Variants in KCNQ3 observed in about 807,000 individuals in gnomAD.
KCNQ3 encodes potassium voltage-gated channel subfamily Q member 3.
KCNQ3 carries 30 observed loss-of-function variants against 92.5 expected under a neutral mutation model. The observed-to-expected ratio is 0.32, with a 90% CI of 0.24 to 0.44. The LOEUF (loss-of-function observed/expected upper bound fraction) is 0.44, where lower values mean the gene tolerates loss of function less well. KCNQ3 is among the 20% of genes least tolerant of loss of function. The pLI, the probability that KCNQ3 is intolerant of heterozygous loss-of-function variation, is 1.00. For missense variants in KCNQ3, 913 were observed against 1,140.3 expected (o/e 0.80, Z 2.87); for synonymous variants, 450 against 468.8 (o/e 0.96, Z 0.52).
intron 1 of KCNQ3, among the ~76,000 whole-genome samples, chr8:132,342,250 C>T (rs761113111): frequency 5.3e-5 from 8 of 152,148 alleles, no homozygotes; most frequent in Non-Finnish European, 1.2e-4. Flanking sequence ...CTTTAAAAGG[C>T]ACCATGTCTT....
chr8:132,197,655 T>G lies in KCNQ3; in HGVS notation c.387-11474A>C, dbSNP rs996293272. On this transcript the variant is annotated intron_variant, in intron 1 of 14. Transcript: ENST00000388996. ...AACCATGTCTCTGATATATCCTGGA[T>G]GCTAAGGTCAATCTGGTGACATTTA... Among the ~76,000 whole-genome samples the G allele has an allele frequency of 2.0e-5, 3 of 151,808 alleles. No individual in the cohort carries two copies. The South Asian group carries it at 6.2e-4, about 31-fold the overall frequency.
chr8:132,141,364 C>G, intron 9 of KCNQ3, 33 bp from the exon 10 acceptor site: 1 of 1,592,904 alleles, frequency 6.3e-7, no homozygotes, highest in Non-Finnish European at 8.6e-7. Flanking sequence ...CAATTTTCCT[C>G]CTTCAGTGCA....
intron 1 of KCNQ3, among the ~76,000 whole-genome samples, chr8:132,380,760 C>A (rs1819726077): frequency 6.7e-6 from 1 of 148,580 alleles, no homozygotes; most frequent in Non-Finnish European, 1.5e-5. Context: ...AATTAATATT[C>A]ACGGAATAGC....
chr8:132,135,483 C>G (rs373088166), intron 12 of KCNQ3, among the ~76,000 whole-genome samples: 230 of 152,232 alleles, frequency 1.5e-3, no homozygotes, highest in South Asian at 3.5e-3. Flanking sequence ...ACTGACGGCA[C>G]TTTCTTTCTC....
intron 1 of KCNQ3, among the ~76,000 whole-genome samples, chr8:132,449,367 A>G (rs900837689): frequency 4.6e-5 from 7 of 151,938 alleles, no homozygotes; most frequent in African/African-American, 1.7e-4. Flanking sequence ...TGTTCACTGT[A>G]GACCACTGTG....
chr8:132,209,544 AACACACACACAC>A lies in KCNQ3; in HGVS notation c.387-23375_387-23364del, dbSNP rs35210912. 2.2e-5 allele frequency among the ~76,000 whole-genome samples: 3 copies of A among 135,378 alleles called. No individual in the cohort carries two copies. In the East Asian group the frequency reaches 7.9e-4, roughly 36 times the overall value. The allele number at this position is 135,378 out of a possible 152,430, so 88.8% of individuals were successfully genotyped here. On this transcript the variant is annotated intron_variant, in intron 1 of 14. Coordinates refer to ENST00000388996, the MANE Select transcript of KCNQ3 (RefSeq NM_004519.4). ...GTAATTCACACCACACACACACACAAACACACACACACACACACACACGTATTGATGGTCCCC... is the reference window on the plus strand; with the variant it reads ...GTAATTCACACCACACACACACACAAACACACACACGTATTGATGGTCCCC...
chr8:132,377,978 T>G (rs1474037471), intron 1 of KCNQ3, among the ~76,000 whole-genome samples: 1 of 152,176 alleles, frequency 6.6e-6, no homozygotes, highest in Non-Finnish European at 1.5e-5. Context: ...AATCAACATA[T>G]TCTATGGACT....
At chr8:132,349,113 C>G (rs1171843371) in intron 1 of KCNQ3, among the ~76,000 whole-genome samples, 1 of 152,196 alleles carries the variant, frequency 6.6e-6, no homozygotes, top group Admixed American at 6.5e-5. Context: ...CACTTCCGCC[C>G]TGGGAGCTTG....
chr8:132,171,547 G>A (rs1283183319), intron 7 of KCNQ3, among the ~76,000 whole-genome samples: 1 of 152,224 alleles, frequency 6.6e-6, no homozygotes, highest in Non-Finnish European at 1.5e-5. Flanking sequence ...TGTGAGGCTA[G>A]TGATGGAGAT....
At position 132,231,877 on chromosome 8, in the gene KCNQ3, C is replaced by T. The variant is rs77600431; in HGVS notation, c.387-45696G>A. ...GTGACTTCAGACCCTAATAGTTGTA[C>T]GACAGTTCTAATTTTGAGTATTCTT... On this transcript the variant is annotated intron_variant, in intron 1 of 14. Coordinates refer to ENST00000388996, the MANE Select transcript of KCNQ3 (RefSeq NM_004519.4). Among the ~76,000 whole-genome samples the T allele has an allele frequency of 9.9e-5, 15 of 152,282 alleles. No individual in the cohort carries two copies. The East Asian group carries it at 1.7e-3, about 18-fold the overall frequency.
chr8:132,267,977 T>C (rs79858896), intron 1 of KCNQ3, among the ~76,000 whole-genome samples: 8,072 of 152,254 alleles, frequency 0.053, 280 homozygotes, highest in African/African-American at 0.096. Flanking sequence ...GGTTCACTCC[T>C]GCTGTTGTGC....
intron 1 of KCNQ3, among the ~76,000 whole-genome samples, chr8:132,357,755 C>A (rs887510453): frequency 5.9e-5 from 9 of 152,320 alleles, no homozygotes; most frequent in Admixed American, 2.0e-4. Context: ...CACAGGACTA[C>A]AAGACAAGTC....
Position 132,207,921 on chromosome 8 carries a change from T to TAA in KCNQ3, c.387-21742_387-21741dup, listed in dbSNP as rs762571946. Among the ~76,000 whole-genome samples the TAA allele has an allele frequency of 4.2e-3, 433 of 103,874 alleles. 2 individuals carry two copies. The highest frequency in any genetic ancestry group is 0.014 in the African/African-American group (404 of 29,436). The allele number at this position is 103,874 out of a possible 152,430, so 68.1% of individuals were successfully genotyped here. On this transcript the variant is annotated intron_variant, in intron 1 of 14. Coordinates refer to ENST00000388996, the MANE Select transcript of KCNQ3 (RefSeq NM_004519.4). The stretch of plus-strand genomic sequence containing the variant: ...TTCAAGTTTCCAAAATGAGAGAGAT[T>TAA]AAAAAAAAAAAAAAAAAAAAAGAAC...
At chr8:132,190,475 G>A (rs186849891) in intron 1 of KCNQ3, among the ~76,000 whole-genome samples, 208 of 152,236 alleles carry the variant, frequency 1.4e-3, no homozygotes, top group South Asian at 2.9e-3. Flanking sequence ...GTCTTGATGT[G>A]AGCTGCTGTT....
chr8:132,139,449 T>C (rs570486607), intron 11 of KCNQ3, among the ~76,000 whole-genome samples: 15 of 152,234 alleles, frequency 9.9e-5, no homozygotes, highest in Non-Finnish European at 1.9e-4. Flanking sequence ...CTGGGAATCT[T>C]GCGGAAAATA....
At chr8:132,362,052 G>C (rs1250755113) in intron 1 of KCNQ3, among the ~76,000 whole-genome samples, 1 of 151,996 alleles carries the variant, frequency 6.6e-6, no homozygotes, top group Non-Finnish European at 1.5e-5. Flanking sequence ...TTGAATTATA[G>C]GATGTAACTT....
chr8:132,357,487 GCT>G (rs1460952451), intron 1 of KCNQ3, among the ~76,000 whole-genome samples: 1 of 152,168 alleles, frequency 6.6e-6, no homozygotes, highest in East Asian at 1.9e-4. Context: ...CACCAGGGTC[GCT>G]CTCTGCCCTG....
At chr8:132,439,216 A>C (rs185123320) in intron 1 of KCNQ3, among the ~76,000 whole-genome samples, 3 of 152,064 alleles carry the variant, frequency 2.0e-5, no homozygotes, top group Admixed American at 2.0e-4. Flanking sequence ...ACTGAGCGGC[A>C]AACTCATCAG....
intron 12 of KCNQ3, among the ~76,000 whole-genome samples, chr8:132,135,994 C>A (rs567615303): frequency 1.3e-5 from 2 of 151,846 alleles, no homozygotes; most frequent in East Asian, 3.9e-4. Context: ...TGGCACACGC[C>A]TCTAGTCCCA....
Sources: gnomAD v4.1 joint callset for allele counts (sites outside exome capture counted in the v4.1 genomes callset) on GRCh38, gnomAD v4.1.1 for gene constraint, MANE v1.5 for transcripts, NCBI Gene and HGNC (gene_info 2026-07-23, HGNC 2026-07-21) for gene names.